Variants in RGS7BP observed in about 807,000 individuals in gnomAD.
RGS7BP encodes regulator of G protein signaling 7-binding protein.
RGS7BP carries 9 observed loss-of-function variants against 31.3 expected under a neutral mutation model. The observed-to-expected ratio is 0.29, with a 90% confidence interval of 0.17 to 0.50. RGS7BP has a LOEUF of 0.50. Ranked by LOEUF, RGS7BP falls within the 20% of genes least tolerant of loss-of-function variation. The probability of loss-of-function intolerance (pLI) is 0.98; values close to 1 mark genes in which losing one functional copy is unlikely to be tolerated. For synonymous variants in RGS7BP, 115 were observed against 120.1 expected (o/e 0.96, Z 0.28); for missense variants, 274 against 322.0 (o/e 0.85, Z 1.14).
At chr5:64,561,061 C>T (rs969951463) in intron 2 of RGS7BP, among the ~76,000 whole-genome samples, 1 of 152,140 alleles carries the variant, frequency 6.6e-6, no homozygotes, top group African/African-American at 2.4e-5. Context: ...CCCTGCGGGG[C>T]AAGAGCACCC....
chr5:64,516,935 CAG>C lies in RGS7BP; in HGVS notation c.332+9060_332+9061del, dbSNP rs1198732983. Among the ~76,000 whole-genome samples, 5 of 147,496 alleles carry C rather than the reference CAG, an allele frequency of 3.4e-5. No homozygotes were observed. The East Asian group carries it at 9.9e-4, about 29-fold the overall frequency. ...AAGCTTCCCAAGTGTGCATCTGTATCAGAAAAGATTATACTTGGCTATATTTA... is the reference window on the plus strand; with the variant it reads ...AAGCTTCCCAAGTGTGCATCTGTATCAAAAGATTATACTTGGCTATATTTA... On this transcript the variant is annotated intron_variant, in intron 2 of 5. Transcript: ENST00000334025.
At chr5:64,524,684 A>G (rs1749187963) in intron 2 of RGS7BP, among the ~76,000 whole-genome samples, 1 of 152,054 alleles carries the variant, frequency 6.6e-6, no homozygotes, top group South Asian at 2.1e-4. Context: ...TTTTATTTTT[A>G]TTATTGTATT....
rs1190060159 is a variant in RGS7BP at position 64,609,435 on chromosome 5, GA to G, written c.*191del. ...TACACTTGAAAGCAGCTGCCGTCAA[GA>G]AAAAAAAGAACAGATTCAAAAACCA... On this transcript the variant is annotated 3_prime_UTR_variant, in exon 6 of 6. Coordinates refer to ENST00000334025, the MANE Select transcript of RGS7BP (RefSeq NM_001029875.3). 1.8e-5 allele frequency: 10 copies of G among 547,918 alleles called. No homozygotes were observed. The highest frequency in any genetic ancestry group is 2.9e-5 in the East Asian group (1 of 34,936). The allele number at this position is 547,918 out of a possible 1,614,324, so 33.9% of individuals were successfully genotyped here.
chr5:64,587,884 C>A (rs1742800252), intron 3 of RGS7BP, among the ~76,000 whole-genome samples: 1 of 152,076 alleles, frequency 6.6e-6, no homozygotes, highest in South Asian at 2.1e-4. Flanking sequence ...TTTTGACACA[C>A]CCCCTTCTCC....
chr5:64,528,540 A>G (rs1749288572), intron 2 of RGS7BP, among the ~76,000 whole-genome samples: 1 of 152,150 alleles, frequency 6.6e-6, no homozygotes, highest in Admixed American at 6.5e-5. Flanking sequence ...GGCCGGGTGC[A>G]GTGGCTCAGG....
intron 2 of RGS7BP, among the ~76,000 whole-genome samples, chr5:64,561,592 T>G (rs751899809): frequency 6.6e-5 from 10 of 152,158 alleles, no homozygotes; most frequent in Non-Finnish European, 1.0e-4. Flanking sequence ...GGGATGTAAG[T>G]GCTTAGCATG....
At position 64,598,370 on chromosome 5, in the gene RGS7BP, T is replaced by A; in HGVS notation, c.617T>A (p.Met206Lys). Reference protein sequence around the residue: ...STDIENTERDMREMKNLLSKL... With the variant: ...STDIENTERDKREMKNLLSKL... The stretch of plus-strand genomic sequence containing the variant: ...TCTTTTTATCAATTTTACAGAGACA[T>A]GAGAGAAATGAAAAACCTTTTAAGC... The change falls in exon 5 of 6, where the codon ATG becomes AAG. Residue 206 changes from methionine to lysine, a missense_variant. By Grantham distance (95) the Met-to-Lys change is moderately conservative. Transcript: ENST00000334025. The A allele has an allele frequency of 6.4e-7, 1 of 1,567,986 alleles. No homozygotes were observed. The highest frequency in any genetic ancestry group is 8.8e-7 in the Non-Finnish European group (1 of 1,138,114).
At chr5:64,577,364 C>T (rs750137835) in intron 3 of RGS7BP, among the ~76,000 whole-genome samples, 3 of 152,082 alleles carry the variant, frequency 2.0e-5, no homozygotes, top group Non-Finnish European at 4.4e-5. Flanking sequence ...ATGGCATGAA[C>T]CTGGGAGGCG....
chr5:64,537,930 A>G (rs1239313446), intron 2 of RGS7BP, among the ~76,000 whole-genome samples: 3 of 152,240 alleles, frequency 2.0e-5, no homozygotes, highest in African/African-American at 7.2e-5. Context: ...GGAAGAGTGG[A>G]AAAGACAGGA....
rs1392445728 is a variant in RGS7BP, at chr5:64,594,744, T to C, written c.498T>C (p.Asp166=). 6.2e-7 allele frequency: 1 copy of C among 1,613,752 alleles called. No homozygotes were observed. The highest frequency in any genetic ancestry group is 2.2e-5 in the East Asian group (1 of 44,848). ...CTGGCGGGGGAACCAAGAGTTTGGA[T>C]TGCAAAATTGAGGAGAGTGCTGAAA... is the stretch of plus-strand genomic sequence containing the variant. The part of the protein sequence containing the change: ...KEPGGGTKSL[D]CKIEESAETP... Residue 166 remains aspartate (D), a synonymous_variant, in exon 4 of 6, where the codon GAT becomes GAC. Coordinates refer to ENST00000334025, the MANE Select transcript of RGS7BP (RefSeq NM_001029875.3).
chr5:64,587,704 G>A (rs1742795502), intron 3 of RGS7BP, among the ~76,000 whole-genome samples: 1 of 152,174 alleles, frequency 6.6e-6, no homozygotes, highest in South Asian at 2.1e-4. Context: ...CATGACTACA[G>A]TGCTTTTTCC....
At chr5:64,561,404 C>G (rs970003514) in intron 2 of RGS7BP, among the ~76,000 whole-genome samples, 2 of 152,052 alleles carry the variant, frequency 1.3e-5, no homozygotes, top group Non-Finnish European at 2.9e-5. Flanking sequence ...AGCACTCTGC[C>G]CTGGTAATGG....
chr5:64,585,433 G>A (rs750984328), intron 3 of RGS7BP, among the ~76,000 whole-genome samples: 1 of 151,998 alleles, frequency 6.6e-6, no homozygotes, highest in African/African-American at 2.4e-5. Context: ...AAAGCAAGAA[G>A]GAATGGAAGG....
chr5:64,507,461 G>A (rs1387984585), intron 1 of RGS7BP, among the ~76,000 whole-genome samples: 1 of 152,186 alleles, frequency 6.6e-6, no homozygotes, highest in Non-Finnish European at 1.5e-5. Context: ...GAGTCTGAAA[G>A]GGTGAGGGGA....
chr5:64,586,913 C>T (rs547267951), intron 3 of RGS7BP, among the ~76,000 whole-genome samples: 33 of 152,162 alleles, frequency 2.2e-4, no homozygotes, highest in Middle Eastern at 3.4e-3. Flanking sequence ...GGAATAAATC[C>T]ATACTAGTTC....
intron 2 of RGS7BP, among the ~76,000 whole-genome samples, chr5:64,543,560 A>C (rs1397330032): frequency 6.6e-6 from 1 of 152,264 alleles, no homozygotes; most frequent in Non-Finnish European, 1.5e-5. Flanking sequence ...AATCCCAGAA[A>C]AGAAACAGAT....
intron 2 of RGS7BP, among the ~76,000 whole-genome samples, chr5:64,548,484 TA>T (rs1281976641): frequency 6.6e-6 from 1 of 152,160 alleles, no homozygotes; most frequent in Non-Finnish European, 1.5e-5. Context: ...TGAAGTATTT[TA>T]CTGGACAACC....
chr5:64,575,688 C>A, intron 2 of RGS7BP, 86 bp from the exon 3 acceptor site: 1 of 1,494,224 alleles, frequency 6.7e-7, no homozygotes, highest in Non-Finnish European at 8.9e-7. Flanking sequence ...CTTTATTGAG[C>A]ATTTTTCCCT....
chr5:64,538,516 TCCTTTTC>T (rs1741435336), intron 2 of RGS7BP, among the ~76,000 whole-genome samples: 1 of 139,932 alleles, frequency 7.1e-6, no homozygotes, highest in Admixed American at 7.2e-5. Flanking sequence ...TTTTTTTTTT[TCCTTTTC>T]TTTTCTTTTT....
Sources: gnomAD v4.1 joint callset for allele counts (sites outside exome capture counted in the v4.1 genomes callset) on GRCh38, gnomAD v4.1.1 for gene constraint, MANE v1.5 for transcripts, NCBI Gene and HGNC (gene_info 2026-07-23, HGNC 2026-07-21) for gene names.